The following LHCGR variants were observed in gnomAD, a reference collection of about 807,000 sequenced individuals.
LHCGR encodes luteinizing hormone/choriogonadotropin receptor.
LHCGR carries 55 observed loss-of-function variants against 60.7 expected under a neutral mutation model. That is an observed-to-expected ratio of 0.91 (90% CI 0.73 to 1.13). LHCGR has a LOEUF of 1.13. Ranked by LOEUF, LHCGR falls within the 50% of genes most tolerant of loss-of-function variation. The pLI, the probability that LHCGR is intolerant of heterozygous loss-of-function variation, is 0.00. For synonymous variants in LHCGR, 337 were observed against 316.5 expected (o/e 1.06, Z -0.69); for missense variants, 862 against 836.0 (o/e 1.03, Z -0.38).
intron 1 of LHCGR, among the ~76,000 whole-genome samples, chr2:48,732,580 A>C (rs1669044289): frequency 6.6e-6 from 1 of 152,184 alleles, no homozygotes; most frequent in Admixed American, 6.5e-5. Context: ...AAGTAACCTG[A>C]ACAAGGTTAC....
intron 3 of LHCGR, among the ~76,000 whole-genome samples, chr2:48,727,277 A>G (rs1422625795): frequency 6.6e-6 from 1 of 152,152 alleles, no homozygotes; most frequent in East Asian, 1.9e-4. Flanking sequence ...AAAGATTAAA[A>G]GAAATTTAAT....
intron 1 of LHCGR, among the ~76,000 whole-genome samples, chr2:48,752,746 C>T (rs1670014236): frequency 6.6e-6 from 1 of 151,970 alleles, no homozygotes; most frequent in Admixed American, 6.5e-5. Context: ...TAAGGTTAAT[C>T]TTTCCCCCAT....
At chr2:48,717,921 C>T (rs1330183014) in intron 6 of LHCGR, among the ~76,000 whole-genome samples, 1 of 131,810 alleles carries the variant, frequency 7.6e-6, no homozygotes, top group Admixed American at 8.8e-5. Context: ...TTCAGTTGCT[C>T]TTGTCTCTTT....
chr2:48,746,572 C>A (rs1669714996), intron 1 of LHCGR, among the ~76,000 whole-genome samples: 1 of 152,186 alleles, frequency 6.6e-6, no homozygotes, highest in African/African-American at 2.4e-5. Flanking sequence ...GACAGCCATT[C>A]CGCAGCACCC....
Position 48,744,853 on chromosome 2 carries a change from A to G in LHCGR, c.161+10658T>C, listed in dbSNP as rs920549135. ...AGCCAAAATTGACAAATGGGATCCAATTAAACTAAAGAGCTTCTGCACAGC... is the reference window on the plus strand; with the variant it reads ...AGCCAAAATTGACAAATGGGATCCAGTTAAACTAAAGAGCTTCTGCACAGC... On this transcript the variant is annotated intron_variant, in intron 1 of 10. Transcript: ENST00000294954. Among the ~76,000 whole-genome samples, 524 of 152,150 alleles carry G rather than the reference A, an allele frequency of 3.4e-3. 3 individuals carry two copies. Among genetic ancestry groups the G allele is most frequent in the African/African-American group, 0.011 (464 of 41,500 alleles).
At chr2:48,720,470 C>G (rs1444897230) in intron 6 of LHCGR, 2 of 152,196 alleles carry the variant, frequency 1.3e-5, no homozygotes, top group Admixed American at 1.3e-4. Flanking sequence ...ATAAAGCCTA[C>G]TCTATTGAAT....
intron 8 of LHCGR, among the ~76,000 whole-genome samples, chr2:48,705,964 A>G (rs1483278186): frequency 6.6e-6 from 1 of 152,088 alleles, no homozygotes; most frequent in East Asian, 1.9e-4. Flanking sequence ...TTTGCCTGTT[A>G]GTTGATGCAG....
intron 1 of LHCGR, among the ~76,000 whole-genome samples, chr2:48,748,887 C>T (rs534625048): frequency 2.2e-4 from 34 of 152,224 alleles, no homozygotes; most frequent in Non-Finnish European, 4.0e-4. Flanking sequence ...GGTGCTAGAA[C>T]CCAGTTCTGC....
intron 6 of LHCGR, among the ~76,000 whole-genome samples, chr2:48,714,372 A>G (rs1294483199): frequency 2.6e-5 from 4 of 152,282 alleles, no homozygotes; most frequent in Non-Finnish European, 5.9e-5. Context: ...ATCCAAGGCC[A>G]GAGATGTTTA....
chr2:48,705,904 A>C (rs1227955737), intron 8 of LHCGR, among the ~76,000 whole-genome samples: 3 of 152,094 alleles, frequency 2.0e-5, no homozygotes, highest in Non-Finnish European at 4.4e-5. Context: ...TTTAAGATTA[A>C]TATTGTTATG....
chr2:48,699,736 C>T lies in LHCGR; in HGVS notation c.681-936G>A, dbSNP rs140864391. Among the ~76,000 whole-genome samples the T allele has an allele frequency of 4.4e-3, 672 of 152,364 alleles. 11 individuals are homozygous for T. The highest frequency in any genetic ancestry group is 0.015 in the African/African-American group (641 of 41,586). On this transcript the variant is annotated intron_variant, in intron 8 of 10. Transcript: ENST00000294954. The stretch of plus-strand genomic sequence containing the variant: ...TAATGATTCATCTGTTCAAAGCAAG[C>T]GAACACTCAGCCTTGCAAGCTGAAC...
chr2:48,695,921 A>T (rs2104385180), intron 9 of LHCGR, among the ~76,000 whole-genome samples: 1 of 152,264 alleles, frequency 6.6e-6, no homozygotes, highest in East Asian at 1.9e-4. Context: ...ATGGGTTGAA[A>T]ACTATCTATC....
Position 48,703,752 on chromosome 2 carries a change from C to T in LHCGR, c.681-4952G>A, listed in dbSNP as rs115400844. On this transcript the variant is annotated intron_variant, in intron 8 of 10. Transcript: ENST00000294954. ...ACATTGATCTTGTATCCCAAGACTT[C>T]GCTGAAGTTGCTTATCAGCTTAAGG... Among the ~76,000 whole-genome samples, 1,369 of 152,244 alleles carry T rather than the reference C, an allele frequency of 9.0e-3. 25 individuals are homozygous for T. Among genetic ancestry groups the T allele is most frequent in the African/African-American group, 0.032 (1,316 of 41,550 alleles).
intron 1 of LHCGR, among the ~76,000 whole-genome samples, chr2:48,752,906 T>C (rs1670026647): frequency 6.7e-6 from 1 of 148,722 alleles, no homozygotes; most frequent in African/African-American, 2.5e-5. Context: ...TTCTGCTTAT[T>C]TTCCGTCTGC....
At chr2:48,741,567 C>G (rs1362372407) in intron 1 of LHCGR, among the ~76,000 whole-genome samples, 1 of 151,598 alleles carries the variant, frequency 6.6e-6, no homozygotes, top group East Asian at 1.9e-4. Context: ...ATTTTCAACC[C>G]AGAATTTCAT....
intron 1 of LHCGR, among the ~76,000 whole-genome samples, chr2:48,746,047 G>T (rs1159079128): frequency 6.6e-6 from 1 of 152,060 alleles, no homozygotes; most frequent in Non-Finnish European, 1.5e-5. Flanking sequence ...TATAAAGTGT[G>T]TATAATCTAA....
chr2:48,737,319 G>GA (rs1558883817), intron 1 of LHCGR, among the ~76,000 whole-genome samples: 1 of 152,218 alleles, frequency 6.6e-6, no homozygotes, highest in African/African-American at 2.4e-5. Context: ...CAGATGAAGG[G>GA]AAAAAAGAGA....
chr2:48,750,066 A>G (rs1327800268), intron 1 of LHCGR, among the ~76,000 whole-genome samples: 1 of 152,096 alleles, frequency 6.6e-6, no homozygotes, highest in African/African-American at 2.4e-5. Flanking sequence ...TTGTTTCTTT[A>G]GGGGTGGTTG....
intron 1 of LHCGR, among the ~76,000 whole-genome samples, chr2:48,734,090 G>GT: frequency 6.6e-6 from 1 of 152,116 alleles, no homozygotes; most frequent in Non-Finnish European, 1.5e-5. Context: ...GTGGCATCAG[G>GT]GGCTTGGAGG....
Sources: gnomAD v4.1 joint callset for allele counts (sites outside exome capture counted in the v4.1 genomes callset) on GRCh38, gnomAD v4.1.1 for gene constraint, MANE v1.5 for transcripts, NCBI Gene and HGNC (gene_info 2026-07-23, HGNC 2026-07-21) for gene names.